The following MESD variants were observed in gnomAD, a reference collection of about 807,000 sequenced individuals.
The protein encoded by MESD is mesoderm development LRP chaperone, also known as LRP chaperone MESD.
A neutral mutation model predicts 12.9 loss-of-function variants in MESD; 7 were observed. The observed-to-expected ratio is 0.54, with a 90% CI of 0.31 to 1.02. MESD has a LOEUF of 1.02. Among genes scored for constraint, MESD ranks in the 50% least tolerant of loss-of-function variants. The pLI is 0.05. For synonymous variants in MESD, 126 were observed against 115.6 expected (o/e 1.09, Z -0.58); for missense variants, 342 against 296.7 (o/e 1.15, Z -1.12).
At chr15:80,965,800 T>C (rs1409235510) in intron 3 of MESD, among the ~76,000 whole-genome samples, 4 of 152,102 alleles carry the variant, frequency 2.6e-5, no homozygotes, top group African/African-American at 9.7e-5. Context: ...CCAGGGCCTA[T>C]TGTGGGGTAG....
intron 3 of MESD, among the ~76,000 whole-genome samples, chr15:80,954,892 G>A (rs937242702): frequency 5.3e-5 from 8 of 152,130 alleles, no homozygotes; most frequent in Admixed American, 1.3e-4. Flanking sequence ...TGTATTTTAC[G>A]TATGGCCCAA....
downstream of MESD, chr15:80,946,823 G>A: frequency 1.4e-6 from 1 of 701,894 alleles, no homozygotes; most frequent in Non-Finnish European, 2.6e-6. Flanking sequence ...ACACAGGAGA[G>A]GCTGCCCTTT....
At chr15:80,973,759 T>G (rs966110241), downstream of MESD, among the ~76,000 whole-genome samples, 4 of 143,968 alleles carry the variant, frequency 2.8e-5, no homozygotes, top group African/African-American at 1.2e-4. Context: ...CATCATGGTT[T>G]TTGTTTTTTT....
Position 80,982,022 on chromosome 15 carries a change from G to A in MESD, c.374C>T (p.Thr125Ile). 1.2e-6 allele frequency: 2 copies of A among 1,614,148 alleles called. No homozygotes were observed. Among genetic ancestry groups the A allele is most frequent in the African/African-American group, 1.3e-5 (1 of 75,008 alleles). ...CGTAATTTCCTCTGTCTCCTTCTCAGTAGGGCTTCCTGATACAGTGACAAA... is the reference window on the plus strand; with the variant it reads ...CGTAATTTCCTCTGTCTCCTTCTCAATAGGGCTTCCTGATACAGTGACAAA... The part of the protein sequence containing the change: ...MMFVTVSGSP[T>I]EKETEEITSL... Residue 125 changes from threonine (T) to isoleucine (I), a missense_variant, in exon 2 of 3, where the codon ACT (threonine) becomes ATT (isoleucine). Transcript: ENST00000261758.
rs193097503 is a variant in MESD at position 80,956,213 on chromosome 15, A to T, written c.*289-3917T>A. Among the ~76,000 whole-genome samples, 594 of 152,178 alleles carry T rather than the reference A, an allele frequency of 3.9e-3. 8 individuals are homozygous for T. The highest frequency in any genetic ancestry group is 0.013 in the African/African-American group (536 of 41,536). ...TAAAAAAATAATAATAAAATAAAAT[A>T]AAAAAGACCCTAAGAGCCTAGGCAG... On this transcript the variant is annotated intron_variant, in intron 3 of 4. Coordinates refer to the MESD transcript ENST00000561312.
downstream of MESD, among the ~76,000 whole-genome samples, chr15:80,975,197 C>CTCCATT (rs1345344781): frequency 6.9e-6 from 1 of 145,664 alleles, no homozygotes; most frequent in Non-Finnish European, 1.5e-5. Flanking sequence ...GGTGAGACAC[C>CTCCATT]TCCATTTCTC....
At chr15:80,956,145 G>A (rs1246550381) in intron 3 of MESD, among the ~76,000 whole-genome samples, 5 of 152,020 alleles carry the variant, frequency 3.3e-5, no homozygotes, top group African/African-American at 4.8e-5. Flanking sequence ...AGCCGAGATC[G>A]CGCCACTACA....
At chr15:80,956,783 C>T (rs186793802) in intron 3 of MESD, among the ~76,000 whole-genome samples, 145 of 152,102 alleles carry the variant, frequency 9.5e-4, no homozygotes, top group African/African-American at 3.3e-3. Context: ...ACGGAGCATG[C>T]AGAGGGGGTG....
At chr15:80,967,198 A>G (rs772932941) in intron 3 of MESD, among the ~76,000 whole-genome samples, 16 of 152,182 alleles carry the variant, frequency 1.1e-4, no homozygotes, top group Non-Finnish European at 1.8e-4. Flanking sequence ...AGGCTGAGGC[A>G]GGAGAATCAC....
chr15:80,984,352 C>G (rs1338037938), intron 1 of MESD, among the ~76,000 whole-genome samples: 1 of 152,060 alleles, frequency 6.6e-6, no homozygotes, highest in African/African-American at 2.4e-5. Context: ...AGCTGGAGAT[C>G]ACCTGAGCAC....
At position 80,975,872 on chromosome 15, in the gene MESD, G is replaced by A. The variant is rs1902399324; in HGVS notation, c.*3347C>T. The A allele has an allele frequency of 1.3e-5, 2 of 152,186 alleles. No individual in the cohort carries two copies. The highest frequency in any genetic ancestry group is 4.8e-5 in the African/African-American group (2 of 41,456). The allele number at this position is 152,186 out of a possible 1,614,324, so 9.4% of individuals were successfully genotyped here. ...TTCTCCCAGCTATTTGGGAGGCTGT[G>A]GTGGGAAGATCAATTGAGCCGGTAG... On this transcript the variant is annotated 3_prime_UTR_variant, in exon 3 of 3. Coordinates refer to ENST00000261758, the MANE Select transcript of MESD (RefSeq NM_015154.3).
intron 1 of MESD, among the ~76,000 whole-genome samples, chr15:80,983,229 C>G (rs73507451): frequency 0.05 from 7,540 of 150,346 alleles, 647 homozygotes; most frequent in African/African-American, 0.18. Context: ...GGAGACAGAA[C>G]GAGACCCTGT....
At chr15:80,986,791 G>A (rs1253160206) in intron 1 of MESD, among the ~76,000 whole-genome samples, 1 of 152,152 alleles carries the variant, frequency 6.6e-6, no homozygotes, top group Non-Finnish European at 1.5e-5. Context: ...GTTTGTCTAA[G>A]TCAGTAGCTA....
intron 1 of MESD, among the ~76,000 whole-genome samples, chr15:80,987,757 G>C (rs1902773709): frequency 6.6e-6 from 1 of 152,052 alleles, no homozygotes; most frequent in Non-Finnish European, 1.5e-5. Context: ...CCAAAGTGTT[G>C]GGATTACAGG....
At chr15:80,959,966 C>G (rs1334156420) in intron 3 of MESD, among the ~76,000 whole-genome samples, 1 of 152,192 alleles carries the variant, frequency 6.6e-6, no homozygotes, top group Non-Finnish European at 1.5e-5. Flanking sequence ...GCAATGGTTT[C>G]GCAACCAGCT....
downstream of MESD, among the ~76,000 whole-genome samples, chr15:80,972,092 T>C (rs1902300952): frequency 6.6e-6 from 1 of 152,162 alleles, no homozygotes; most frequent in Non-Finnish European, 1.5e-5. Flanking sequence ...GGCCCGGTGC[T>C]GGGGACTTTA....
At chr15:80,955,568 C>T (rs975555730) in intron 3 of MESD, among the ~76,000 whole-genome samples, 31 of 151,278 alleles carry the variant, frequency 2.0e-4, no homozygotes, top group African/African-American at 7.5e-4. Context: ...TAAGAAGGGA[C>T]CCAGGGTAGT....
At chr15:80,981,296 G>A (rs1902569295) in intron 2 of MESD, among the ~76,000 whole-genome samples, 1 of 151,724 alleles carries the variant, frequency 6.6e-6, no homozygotes, top group Admixed American at 6.6e-5. Context: ...AATTAGCTGG[G>A]CGTGGTGGCA....
chr15:80,956,547 A>G (rs1283546149), intron 3 of MESD, among the ~76,000 whole-genome samples: 1 of 152,218 alleles, frequency 6.6e-6, no homozygotes. Context: ...TCAGATAGAG[A>G]AACAAAATCA....
Sources: gnomAD v4.1 joint callset for allele counts (sites outside exome capture counted in the v4.1 genomes callset) on GRCh38, gnomAD v4.1.1 for gene constraint, MANE v1.5 for transcripts, NCBI Gene and HGNC (gene_info 2026-07-23, HGNC 2026-07-21) for gene names.